Variants in GAREM1 observed in about 807,000 individuals in gnomAD.
GAREM1 encodes the protein GRB2-associated and regulator of MAPK protein 1.
GAREM1 carries 26 observed loss-of-function variants against 71.3 expected under a neutral mutation model. The observed-to-expected ratio is 0.36, with a 90% CI of 0.27 to 0.51. The LOEUF (loss-of-function observed/expected upper bound fraction) is 0.51, where lower values mean the gene tolerates loss of function less well. Among genes scored for constraint, GAREM1 ranks in the 20% least tolerant of loss-of-function variants. GAREM1 has a pLI of 0.95. For missense variants in GAREM1, 1,026 were observed against 1,103.1 expected, an observed-to-expected ratio of 0.93 and a Z score of 0.99; for synonymous variants, 440 against 433.2, an observed-to-expected ratio of 1.02 and a Z score of -0.20.
Position 32,318,657 on chromosome 18 carries a change from A to G in GAREM1, c.263-8334T>C, listed in dbSNP as rs540567535. ...CTCACTGTTCGCCATCACCAGTGGCAGTCAGCATGACCTGCGGTGGGCCCT... is the reference window on the plus strand; with the variant it reads ...CTCACTGTTCGCCATCACCAGTGGCGGTCAGCATGACCTGCGGTGGGCCCT... On this transcript the variant is annotated intron_variant, in intron 2 of 5. Coordinates refer to ENST00000269209, the MANE Select transcript of GAREM1 (RefSeq NM_001242409.2). Among the ~76,000 whole-genome samples, 178 of 152,300 alleles carry G rather than the reference A, an allele frequency of 1.2e-3. 1 individual carries two copies. The highest frequency in any genetic ancestry group is 3.6e-3 in the African/African-American group (150 of 41,584).
At chr18:32,355,586 T>G (rs1251234105) in intron 2 of GAREM1, among the ~76,000 whole-genome samples, 4 of 152,184 alleles carry the variant, frequency 2.6e-5, no homozygotes, top group African/African-American at 9.6e-5. Flanking sequence ...GTTTATTTCA[T>G]TTTTATCTTT....
intron 2 of GAREM1, among the ~76,000 whole-genome samples, chr18:32,328,365 T>C (rs1027158542): frequency 6.6e-6 from 1 of 152,214 alleles, no homozygotes; most frequent in African/African-American, 2.4e-5. Flanking sequence ...GGATAGGACC[T>C]AAATTTATGC....
chr18:32,327,830 AG>A (rs1407710453), intron 2 of GAREM1, among the ~76,000 whole-genome samples: 1 of 152,166 alleles, frequency 6.6e-6, no homozygotes, highest in Non-Finnish European at 1.5e-5. Context: ...TGACCTTGAG[AG>A]GAGGACATTT....
intron 1 of GAREM1, among the ~76,000 whole-genome samples, chr18:32,443,368 G>C (rs893773393): frequency 1.3e-5 from 2 of 152,066 alleles, no homozygotes; most frequent in African/African-American, 4.8e-5. Flanking sequence ...TATAGTAGAA[G>C]AAAGTATTTA....
At chr18:32,425,998 C>A (rs2048570572) in intron 1 of GAREM1, among the ~76,000 whole-genome samples, 1 of 151,864 alleles carries the variant, frequency 6.6e-6, no homozygotes, top group African/African-American at 2.4e-5. Flanking sequence ...GAATTTTCTC[C>A]AGTTTTAATT....
At position 32,287,370 on chromosome 18, in the gene GAREM1, C is replaced by T; in HGVS notation, c.1227G>A (p.Leu409=). Residue 409 remains leucine, a synonymous_variant, in exon 4 of 6, where the codon CTG becomes CTA. Transcript: ENST00000269209. This position sits in a 1 kb window ranked among gnomAD's most constrained non-coding sequence, Gnocchi z 5.9. The stretch of plus-strand genomic sequence containing the variant: ...GAGGAAAGGGAGCCCAATCTCCCCC[C>T]AGGTCCCTGCAACCATGAAGGTTCA... ...SEVNLHGCRD[L]GGDWAPFPHD... 1 of 1,614,224 alleles carries T rather than the reference C, an allele frequency of 6.2e-7. No individual in the cohort carries two copies. Among genetic ancestry groups the T allele is most frequent in the Non-Finnish European group, 8.5e-7 (1 of 1,180,036 alleles).
rs1316139416 is a variant in GAREM1 at position 32,330,609 on chromosome 18, T to C, written c.263-20286A>G. Among the ~76,000 whole-genome samples, 18 of 141,120 alleles carry C rather than the reference T, an allele frequency of 1.3e-4. No homozygotes were observed. In the Admixed American group the frequency reaches 1.3e-3, roughly 10 times the overall value. The allele number at this position is 141,120 out of a possible 152,430, so 92.6% of individuals were successfully genotyped here. ...GACTTAAAACACAATACAGTTTATG[T>C]AAATTTAAAGTATTTGTATACAAAC... On this transcript the variant is annotated intron_variant, in intron 2 of 5. Transcript: ENST00000269209.
At position 32,355,322 on chromosome 18, in the gene GAREM1, T is replaced by C. The variant is rs370514017; in HGVS notation, c.262+37573A>G. Among the ~76,000 whole-genome samples, 10 of 152,278 alleles carry C rather than the reference T, an allele frequency of 6.6e-5. No homozygotes were observed. The East Asian group carries it at 1.9e-3, about 29-fold the overall frequency. On this transcript the variant is annotated intron_variant, in intron 2 of 5. Transcript: ENST00000269209. ...AGGCCTATGGTGAATAATGAAGTAA[T>C]GCTGCCTAGAACCCTATCTATGGAT...
At chr18:32,326,290 C>T (rs944756687) in intron 2 of GAREM1, among the ~76,000 whole-genome samples, 1 of 152,212 alleles carries the variant, frequency 6.6e-6, no homozygotes, top group Non-Finnish European at 1.5e-5. Context: ...ACTAAACTCT[C>T]TGCTCAATCC....
intron 1 of GAREM1, among the ~76,000 whole-genome samples, chr18:32,445,318 G>A (rs371677214): frequency 2.1e-4 from 32 of 150,878 alleles, no homozygotes; most frequent in South Asian, 1.7e-3. Context: ...TAAACCCCCC[G>A]CCCCTGCAAA....
chr18:32,351,463 C>G (rs1405679824), intron 2 of GAREM1, among the ~76,000 whole-genome samples: 1 of 152,038 alleles, frequency 6.6e-6, no homozygotes, highest in African/African-American at 2.4e-5. Flanking sequence ...AGACATTTTC[C>G]ATGAAAAGCT....
At chr18:32,395,974 G>T (rs955031698) in intron 1 of GAREM1, among the ~76,000 whole-genome samples, 11 of 152,206 alleles carry the variant, frequency 7.2e-5, no homozygotes, top group African/African-American at 2.7e-4. Flanking sequence ...GCTTCCAGAG[G>T]AACAATCAGG....
chr18:32,436,579 G>C (rs1033090762), intron 1 of GAREM1, among the ~76,000 whole-genome samples: 1 of 152,210 alleles, frequency 6.6e-6, no homozygotes. Context: ...TGATGAAGCA[G>C]CTGAAGTCAA....
At chr18:32,341,739 C>T (rs1006959689) in intron 2 of GAREM1, among the ~76,000 whole-genome samples, 7 of 151,818 alleles carry the variant, frequency 4.6e-5, no homozygotes, top group Admixed American at 6.6e-5. Context: ...TGGGGTGGAG[C>T]GGGGAGAGGT....
At chr18:32,304,948 T>TC (rs929245155) in intron 3 of GAREM1, among the ~76,000 whole-genome samples, 3 of 152,032 alleles carry the variant, frequency 2.0e-5, no homozygotes, top group African/African-American at 7.3e-5. Context: ...AATGGCCAAC[T>TC]CAGAAAGAGG....
At chr18:32,371,252 T>C (rs371507926) in intron 2 of GAREM1, among the ~76,000 whole-genome samples, 1 of 152,106 alleles carries the variant, frequency 6.6e-6, no homozygotes, top group East Asian at 1.9e-4. Context: ...ACTGGGGAGC[T>C]TGGCCTTTCT....
intron 2 of GAREM1, among the ~76,000 whole-genome samples, chr18:32,315,373 T>C (rs558735295): frequency 8.3e-4 from 124 of 149,694 alleles, no homozygotes; most frequent in African/African-American, 2.9e-3. Flanking sequence ...TTTAAACCAA[T>C]ACATCTAAAT....
chr18:32,295,809 A>C (rs1428818172), intron 3 of GAREM1, among the ~76,000 whole-genome samples: 1 of 152,192 alleles, frequency 6.6e-6, no homozygotes, highest in Non-Finnish European at 1.5e-5. Flanking sequence ...CTTAAAGTCC[A>C]TTTTGGATGA....
chr18:32,340,159 C>A (rs901417428), intron 2 of GAREM1, among the ~76,000 whole-genome samples: 10 of 152,304 alleles, frequency 6.6e-5, no homozygotes, highest in Admixed American at 1.3e-4. Context: ...GTGGGATGCC[C>A]TTTTCCTACT....
Sources: allele counts gnomAD v4.1 joint callset (sites outside exome capture counted in the v4.1 genomes callset), GRCh38; gene constraint gnomAD v4.1.1; non-coding constraint Gnocchi (gnomAD v3.1); transcripts MANE v1.5; gene names NCBI Gene and HGNC (gene_info 2026-07-23, HGNC 2026-07-21).